RELN: variants seen among roughly 807,000 people sequenced by gnomAD.
RELN encodes reelin.
A neutral mutation model predicts 427.6 loss-of-function variants in RELN; 108 were observed. The ratio of observed to expected loss-of-function variants is 0.25; its 90% CI spans 0.22 to 0.30. The LOEUF is 0.30. Ranked by LOEUF, RELN falls within the 10% of genes least tolerant of loss-of-function variation. The probability of loss-of-function intolerance (pLI) is 1.00; values close to 1 mark genes in which losing one functional copy is unlikely to be tolerated. For synonymous variants in RELN, 1,524 were observed against 1,513.4 expected (o/e 1.01, Z -0.16); for missense variants, 3,715 against 4,302.8 (o/e 0.86, Z 3.82).
At chr7:103,528,484 G>T (rs1176828348) in intron 46 of RELN, among the ~76,000 whole-genome samples, 10 of 148,788 alleles carry the variant, frequency 6.7e-5, no homozygotes, top group African/African-American at 1.7e-4. Context: ...AACCCTGTGG[G>T]TTTTTTTTTT....
intron 2 of RELN, among the ~76,000 whole-genome samples, chr7:103,853,680 GAAT>G (rs1793877100): frequency 6.6e-6 from 1 of 151,106 alleles, no homozygotes; most frequent in Non-Finnish European, 1.5e-5. Flanking sequence ...CTATAGTTGG[GAAT>G]AAAATATGAG....
At chr7:103,493,063 T>G (rs1277666720) in intron 57 of RELN, among the ~76,000 whole-genome samples, 2 of 152,162 alleles carry the variant, frequency 1.3e-5, no homozygotes, top group Non-Finnish European at 2.9e-5. Context: ...GGAGAGTCAT[T>G]AAAGGTTTCT....
Position 103,593,854 on chromosome 7 carries a change from T to C in RELN, c.3740A>G (p.Tyr1247Cys). The C allele has an allele frequency of 6.2e-7, 1 of 1,613,840 alleles. No homozygotes were observed. Among genetic ancestry groups the C allele is most frequent in the Non-Finnish European group, 8.5e-7 (1 of 1,179,832 alleles). The change falls in exon 27 of 65, where the codon TAC becomes TGC. Residue 1247 changes from tyrosine to cysteine, a missense_variant. This residue lies in a region of RELN where 2,208 missense variants were observed against 2,361.7 expected (regional missense o/e 0.93). Transcript: ENST00000428762. ...QNFYEKPAFD[Y>C]PMNQMSVWLM... is the part of the protein sequence containing the mutation. ...CCACACACTCATCTGATTCATAGGG[T>C]AATCAAAAGCTGGCTTCTCATAAAA...
chr7:103,972,088 GATAAAA>G (rs952464408), intron 1 of RELN, among the ~76,000 whole-genome samples: 1 of 151,842 alleles, frequency 6.6e-6, no homozygotes, highest in Admixed American at 6.6e-5. Flanking sequence ...TAAGTAAATA[GATAAAA>G]ATAAAAAAAT....
intron 1 of RELN, among the ~76,000 whole-genome samples, chr7:103,979,931 G>T (rs1446949437): frequency 6.6e-6 from 1 of 152,162 alleles, no homozygotes; most frequent in African/African-American, 2.4e-5. Context: ...GGAGGCCGAG[G>T]TGGGCTGATC....
At chr7:103,689,214 A>G (rs1833822350) in intron 10 of RELN, among the ~76,000 whole-genome samples, 1 of 152,072 alleles carries the variant, frequency 6.6e-6, no homozygotes, top group South Asian at 2.1e-4. Context: ...AGAAAAGGTA[A>G]TCTGGAATTC....
intron 28 of RELN, among the ~76,000 whole-genome samples, chr7:103,581,834 G>A (rs746478231): frequency 2.0e-5 from 3 of 151,968 alleles, no homozygotes; most frequent in Non-Finnish European, 4.4e-5. Flanking sequence ...TACATGGAGA[G>A]AAAGGTCCAG....
At chr7:103,594,270 A>G in intron 26 of RELN, 51 bp downstream of exon 26, 1 of 1,519,156 alleles carries the variant, frequency 6.6e-7, no homozygotes, top group Non-Finnish European at 9.1e-7. Flanking sequence ...TCTTTATGCC[A>G]TTCACTTTTA....
At chr7:103,574,848 T>A (rs362647) in intron 29 of RELN, among the ~76,000 whole-genome samples, 339 of 152,338 alleles carry the variant, frequency 2.2e-3, no homozygotes, top group African/African-American at 7.8e-3. Flanking sequence ...AAGCTTATAA[T>A]ATTTTCTCCA....
At chr7:103,914,169 A>T (rs1795431122) in intron 2 of RELN, among the ~76,000 whole-genome samples, 1 of 152,194 alleles carries the variant, frequency 6.6e-6, no homozygotes, top group African/African-American at 2.4e-5. Context: ...AATTTGTAAC[A>T]ATTTTATTCT....
chr7:103,472,677 G>A lies in RELN; in HGVS notation c.*135C>T, dbSNP rs1015535811. 3.5e-5 allele frequency: 25 copies of A among 716,432 alleles called. No individual in the cohort carries two copies. Among genetic ancestry groups the A allele is most frequent in the Admixed American group, 4.2e-5 (2 of 47,804 alleles). The allele number at this position is 716,432 out of a possible 1,614,324, so 44.4% of individuals were successfully genotyped here. On this transcript the variant is annotated 3_prime_UTR_variant, in exon 65 of 65. Coordinates refer to ENST00000428762, the MANE Select transcript of RELN (RefSeq NM_005045.4). ...CAGTGTGGGAAAGTGGTGTACACTC[G>A]GTCTTGAGAAGGGCTTTCAGGTAAT...
intron 2 of RELN, among the ~76,000 whole-genome samples, chr7:103,891,929 T>C (rs138331774): frequency 6.6e-6 from 1 of 152,158 alleles, no homozygotes; most frequent in Non-Finnish European, 1.5e-5. Context: ...AGGAACAGAA[T>C]GAACAAAAGG....
intron 1 of RELN, among the ~76,000 whole-genome samples, chr7:103,966,609 T>C (rs4483087): frequency 0.17 from 26,491 of 152,158 alleles, 2,418 homozygotes; most frequent in Middle Eastern, 0.3. Flanking sequence ...TAATCTATTG[T>C]GATTCAGTTT....
At chr7:103,870,140 C>T (rs1458635847) in intron 2 of RELN, among the ~76,000 whole-genome samples, 1 of 151,986 alleles carries the variant, frequency 6.6e-6, no homozygotes, top group African/African-American at 2.4e-5. Context: ...AAACTCAGAC[C>T]ATGCTTTTTT....
chr7:103,574,250 G>A lies in RELN; in HGVS notation c.4353C>T (p.Phe1451=), dbSNP rs370743731. 1.6e-5 allele frequency: 26 copies of A among 1,614,048 alleles called. No homozygotes were observed. Among genetic ancestry groups the A allele is most frequent in the Middle Eastern group, 1.6e-4 (1 of 6,062 alleles). ...GGCTGAGCTTCCCCTCAAACCTATC[G>A]AACATCTCATTGTGATTGGGGACAT... ...VSNVPNHNEM[F]DRFEGKLSPL... Residue 1451 remains phenylalanine (F), a synonymous_variant, in exon 30 of 65, where the codon TTC becomes TTT. Coordinates refer to ENST00000428762, the MANE Select transcript of RELN (RefSeq NM_005045.4).
Position 103,744,399 on chromosome 7 carries a change from G to C in RELN, c.656+5027C>G, listed in dbSNP as rs972789887. ...ACATTCAAAAGCTAGCAGAAGGCAA[G>C]AAATAACTAAAATCAGAGCAGAACG... On this transcript the variant is annotated intron_variant, in intron 6 of 64. Transcript: ENST00000428762. 9.9e-5 allele frequency among the ~76,000 whole-genome samples: 15 copies of C among 152,084 alleles called. No homozygotes were observed. The East Asian group carries it at 2.9e-3, about 29-fold the overall frequency.
chr7:103,644,807 T>C (rs1832765463), intron 16 of RELN, among the ~76,000 whole-genome samples: 1 of 151,670 alleles, frequency 6.6e-6, no homozygotes, highest in South Asian at 2.1e-4. Flanking sequence ...ATTGTAAGGA[T>C]GTCACCAAGT....
At chr7:103,586,909 C>T (rs1831286704) in intron 28 of RELN, among the ~76,000 whole-genome samples, 1 of 152,118 alleles carries the variant, frequency 6.6e-6, no homozygotes, top group African/African-American at 2.4e-5. Context: ...GGAAAAAATC[C>T]TATGCTCATG....
chr7:103,770,913 CT>C lies in RELN; in HGVS notation c.544+5643del, dbSNP rs751942279. On this transcript the variant is annotated intron_variant, in intron 4 of 64. Coordinates refer to ENST00000428762, the MANE Select transcript of RELN (RefSeq NM_005045.4). The stretch of plus-strand genomic sequence containing the variant: ...TTTCAGCCAAATTGCCAATCGCTTA[CT>C]TTTTTTTTTTTTTTTTTTGAGGTGG... Among the ~76,000 whole-genome samples the C allele has an allele frequency of 5.2e-3, 616 of 119,114 alleles. 6 individuals carry two copies. The highest frequency in any genetic ancestry group is 0.015 in the African/African-American group (462 of 30,296). 78.1% of individuals were successfully genotyped at this position (119,114 alleles called of 152,430 possible).
Sources: allele counts gnomAD v4.1 joint callset (sites outside exome capture counted in the v4.1 genomes callset), GRCh38; gene constraint gnomAD v4.1.1; regional missense constraint gnomAD v4.1.1; transcripts MANE v1.5; gene names NCBI Gene and HGNC (gene_info 2026-07-23, HGNC 2026-07-21).